The following STK32A variants were observed in gnomAD, a reference collection of about 807,000 sequenced individuals.
The protein encoded by STK32A is serine/threonine kinase 32A, also known as serine/threonine-protein kinase 32A.
STK32A carries 41 observed loss-of-function variants against 53.2 expected under a neutral mutation model. The ratio of observed to expected loss-of-function variants is 0.77; its 90% confidence interval spans 0.60 to 1.00. The LOEUF (loss-of-function observed/expected upper bound fraction) is 1.00, where lower values mean the gene tolerates loss of function less well. STK32A is among the 50% of genes least tolerant of loss of function. The pLI is 0.00. For missense variants in STK32A, 458 were observed against 485.8 expected (o/e 0.94, Z 0.54); for synonymous variants, 166 against 162.8 (o/e 1.02, Z -0.15).
chr5:147,341,686 TTTAA>T (rs1321678632), intron 5 of STK32A, among the ~76,000 whole-genome samples: 1 of 152,134 alleles, frequency 6.6e-6, no homozygotes, highest in Admixed American at 6.5e-5. Context: ...CCTATAGTTA[TTTAA>T]TTATTAATCC....
chr5:147,378,525 A>G (rs189610457), intron 11 of STK32A, among the ~76,000 whole-genome samples: 1 of 152,180 alleles, frequency 6.6e-6, no homozygotes, highest in Non-Finnish European at 1.5e-5. Context: ...CATACACCAT[A>G]TCAGTATCAT....
At chr5:147,397,125 A>AT in the STK32A span, among the ~76,000 whole-genome samples, 1 of 147,298 alleles carries the variant, frequency 6.8e-6, no homozygotes, top group Non-Finnish European at 1.5e-5. Flanking sequence ...CTGCACCTCC[A>AT]TTTTTTATAC....
chr5:147,358,176 A>G (rs756587794), intron 7 of STK32A, among the ~76,000 whole-genome samples: 6 of 152,272 alleles, frequency 3.9e-5, no homozygotes, highest in Non-Finnish European at 7.4e-5. Flanking sequence ...TTTAATAAAT[A>G]TATTAAAATG....
chr5:147,332,465 A>G (rs1754917924), intron 5 of STK32A, among the ~76,000 whole-genome samples: 1 of 152,112 alleles, frequency 6.6e-6, no homozygotes, highest in African/African-American at 2.4e-5. Flanking sequence ...GTATGAGAAC[A>G]TTTAAAGTCT....
the STK32A span, chr5:147,394,127 C>T: frequency 1.2e-6 from 2 of 1,613,222 alleles, no homozygotes; most frequent in African/African-American, 2.7e-5. Flanking sequence ...TGGGTGCCTA[C>T]AGTTGGAAAT....
At chr5:147,366,088 C>A (rs1212365309) in intron 8 of STK32A, among the ~76,000 whole-genome samples, 2 of 152,112 alleles carry the variant, frequency 1.3e-5, no homozygotes, top group East Asian at 3.9e-4. Context: ...CTTATCTGCA[C>A]CCCCGCCCAC....
chr5:147,295,070 G>C (rs1176147457), intron 4 of STK32A, among the ~76,000 whole-genome samples: 1 of 152,168 alleles, frequency 6.6e-6, no homozygotes, highest in Admixed American at 6.5e-5. Flanking sequence ...AAGTAATTTT[G>C]AGCTGTTTTA....
At chr5:147,366,562 ATCTAAAGT>A (rs1756756468) in intron 8 of STK32A, among the ~76,000 whole-genome samples, 1 of 152,206 alleles carries the variant, frequency 6.6e-6, no homozygotes, top group Non-Finnish European at 1.5e-5. Flanking sequence ...TGACCTCCCT[ATCTAAAGT>A]GATCCGAATC....
At chr5:147,244,423 T>G (rs898134690) in intron 2 of STK32A, among the ~76,000 whole-genome samples, 2 of 152,206 alleles carry the variant, frequency 1.3e-5, no homozygotes, top group Admixed American at 6.5e-5. Context: ...ATCATATAAT[T>G]CCTTGTTTGA....
At chr5:147,254,312 T>C (rs914613536) in intron 2 of STK32A, among the ~76,000 whole-genome samples, 1 of 152,220 alleles carries the variant, frequency 6.6e-6, no homozygotes, top group Non-Finnish European at 1.5e-5. Flanking sequence ...GCAGGTTACA[T>C]ACTCTTTTCA....
At chr5:147,341,051 G>T (rs1041479104) in intron 5 of STK32A, among the ~76,000 whole-genome samples, 6 of 152,180 alleles carry the variant, frequency 3.9e-5, no homozygotes, top group Non-Finnish European at 8.8e-5. Flanking sequence ...GGTGCTCAGG[G>T]ATTTAACAGA....
At chr5:147,370,304 A>G (rs1287803062) in intron 8 of STK32A, among the ~76,000 whole-genome samples, 1 of 152,226 alleles carries the variant, frequency 6.6e-6, no homozygotes, top group African/African-American at 2.4e-5. Flanking sequence ...GGACTTGTCC[A>G]GTATTTCGTG....
At chr5:147,355,770 GTA>G (rs1441185703) in intron 7 of STK32A, among the ~76,000 whole-genome samples, 1 of 131,160 alleles carries the variant, frequency 7.6e-6, no homozygotes, top group African/African-American at 3.2e-5. Context: ...ATATGTATAT[GTA>G]TGTGTGTGAG....
At chr5:147,346,186 T>A (rs1442554831) in intron 6 of STK32A, among the ~76,000 whole-genome samples, 1 of 152,206 alleles carries the variant, frequency 6.6e-6, no homozygotes, top group Non-Finnish European at 1.5e-5. Context: ...CACAAATCAA[T>A]GCCTGCCTTT....
intron 7 of STK32A, among the ~76,000 whole-genome samples, chr5:147,351,846 AAAACAAAC>A (rs554914252): frequency 1.8e-4 from 28 of 152,222 alleles, no homozygotes; most frequent in East Asian, 3.9e-4. Flanking sequence ...ATTTCGTCTC[AAAACAAAC>A]AAACAAACAA....
At chr5:147,272,992 T>G (rs901507103) in intron 2 of STK32A, among the ~76,000 whole-genome samples, 1 of 152,208 alleles carries the variant, frequency 6.6e-6, no homozygotes, top group Non-Finnish European at 1.5e-5. Flanking sequence ...GAATCAATTT[T>G]TAGAAAAAAT....
rs1020892492 is a variant in STK32A, at chr5:147,343,054, G to T, written c.472+11G>T. ...TACTTGACGAACATGGTAAGTGAGT[G>T]ATTTGTTTGCAATCAAGTACATGAC... is the stretch of plus-strand genomic sequence containing the variant. On this transcript the variant is annotated intron_variant, in intron 6 of 12. Coordinates refer to ENST00000397936, the MANE Select transcript of STK32A (RefSeq NM_001112724.2). 5.0e-6 allele frequency: 8 copies of T among 1,613,050 alleles called. No homozygotes were observed. The highest frequency in any genetic ancestry group is 5.9e-6 in the Non-Finnish European group (7 of 1,179,618).
rs546624549 is a variant in STK32A at position 147,261,606 on chromosome 5, GA to G, written c.53-16516del. On this transcript the variant is annotated intron_variant, in intron 2 of 12. Transcript: ENST00000397936. ...TACGAGGAAGTTAAATTTAAAAGTAGAAGGCAAAGAATTGAACATACTGACA... is the reference window on the plus strand; with the variant it reads ...TACGAGGAAGTTAAATTTAAAAGTAGAGGCAAAGAATTGAACATACTGACA... 7.9e-5 allele frequency among the ~76,000 whole-genome samples: 12 copies of G among 152,232 alleles called. No homozygotes were observed. In the South Asian group the frequency reaches 2.3e-3, roughly 29 times the overall value.
downstream of STK32A, chr5:147,387,866 C>T (rs910703362): frequency 6.6e-6 from 1 of 152,132 alleles, no homozygotes; most frequent in Non-Finnish European, 1.5e-5. Context: ...GCCACTGACC[C>T]TTCTTTGTCA....
Sources: gnomAD v4.1 joint callset for allele counts (sites outside exome capture counted in the v4.1 genomes callset) on GRCh38, gnomAD v4.1.1 for gene constraint, MANE v1.5 for transcripts, NCBI Gene and HGNC (gene_info 2026-07-23, HGNC 2026-07-21) for gene names.